Variants in STK39 observed in about 807,000 individuals in gnomAD.
The protein encoded by STK39 is STE20/SPS1-related proline-alanine-rich protein kinase.
A neutral mutation model predicts 77.8 loss-of-function variants in STK39; 20 were observed. The ratio of observed to expected loss-of-function variants is 0.26; its 90% confidence interval spans 0.18 to 0.37. The LOEUF (loss-of-function observed/expected upper bound fraction) is 0.37, where lower values mean the gene tolerates loss of function less well. Ranked by LOEUF, STK39 falls within the 10% of genes least tolerant of loss-of-function variation. The pLI, the probability that STK39 is intolerant of heterozygous loss-of-function variation, is 1.00. For synonymous variants in STK39, 246 were observed against 234.1 expected, an observed-to-expected ratio of 1.05 and a Z score of -0.47; for missense variants, 479 against 656.5, an observed-to-expected ratio of 0.73 and a Z score of 2.95.
At chr2:168,226,990 G>C (rs2105252689) in intron 1 of STK39, among the ~76,000 whole-genome samples, 1 of 152,276 alleles carries the variant, frequency 6.6e-6, no homozygotes, top group Non-Finnish European at 1.5e-5. Flanking sequence ...GTGGATCTCT[G>C]AGAAATAGCC....
chr2:168,179,340 C>T (rs563284528), intron 2 of STK39, among the ~76,000 whole-genome samples: 1 of 152,228 alleles, frequency 6.6e-6, no homozygotes, highest in Non-Finnish European at 1.5e-5. Flanking sequence ...TCTCATGTGC[C>T]AATAACTGGG....
chr2:168,183,007 T>C (rs552307166), intron 1 of STK39, among the ~76,000 whole-genome samples: 1 of 152,182 alleles, frequency 6.6e-6, no homozygotes, highest in African/African-American at 2.4e-5. Flanking sequence ...ACTTCTCAAA[T>C]GATTCATCAA....
intron 16 of STK39, among the ~76,000 whole-genome samples, chr2:167,967,132 C>G (rs977104934): frequency 6.6e-6 from 1 of 152,216 alleles, no homozygotes; most frequent in Non-Finnish European, 1.5e-5. Context: ...TTGTAAGACA[C>G]TCGAGTTTCT....
chr2:168,126,699 C>A (rs1559109931), intron 10 of STK39, among the ~76,000 whole-genome samples: 1 of 152,108 alleles, frequency 6.6e-6, no homozygotes, highest in Non-Finnish European at 1.5e-5. Context: ...CATTTGTGGG[C>A]ACTTACTATG....
At chr2:168,002,848 G>A (rs1370025793) in intron 16 of STK39, among the ~76,000 whole-genome samples, 1 of 152,138 alleles carries the variant, frequency 6.6e-6, no homozygotes, top group East Asian at 1.9e-4. Flanking sequence ...GTGTGTGTGT[G>A]CACGTGTGCT....
At chr2:168,057,302 C>T (rs1685550740) in intron 14 of STK39, among the ~76,000 whole-genome samples, 2 of 152,172 alleles carry the variant, frequency 1.3e-5, no homozygotes, top group Non-Finnish European at 2.9e-5. Context: ...TAGCAATTCT[C>T]GTGCCTCAGC....
intron 10 of STK39, among the ~76,000 whole-genome samples, chr2:168,112,301 G>A (rs1030476763): frequency 6.6e-6 from 1 of 152,048 alleles, no homozygotes; most frequent in Non-Finnish European, 1.5e-5. Flanking sequence ...AACCCCTCAT[G>A]TGGTTTGGCT....
At chr2:168,197,261 C>T (rs564368521) in intron 1 of STK39, among the ~76,000 whole-genome samples, 1 of 152,322 alleles carries the variant, frequency 6.6e-6, no homozygotes, top group South Asian at 2.1e-4. Flanking sequence ...AAGTTAAATG[C>T]AAAGGAGGAG....
intron 8 of STK39, among the ~76,000 whole-genome samples, chr2:168,134,710 G>A (rs536639394): frequency 6.6e-6 from 1 of 152,220 alleles, no homozygotes; most frequent in African/African-American, 2.4e-5. Flanking sequence ...TCCCTTTTAT[G>A]AGGAAAGTCC....
intron 5 of STK39, among the ~76,000 whole-genome samples, chr2:168,149,613 T>C (rs958509304): frequency 6.6e-6 from 1 of 152,260 alleles, no homozygotes; most frequent in African/African-American, 2.4e-5. Context: ...CCACACTGAT[T>C]CACACTTCCT....
intron 16 of STK39, among the ~76,000 whole-genome samples, chr2:168,009,931 T>TCAA (rs948326653): frequency 4.6e-5 from 7 of 152,282 alleles, no homozygotes; most frequent in South Asian, 2.1e-4. Flanking sequence ...TTTTAAAAAT[T>TCAA]CAACAACAAC....
chr2:168,215,546 T>A (rs557599266), intron 1 of STK39, among the ~76,000 whole-genome samples: 3 of 152,294 alleles, frequency 2.0e-5, no homozygotes, highest in South Asian at 4.1e-4. Context: ...TGGATCTGTT[T>A]CCCAAATCCC....
At chr2:168,013,669 AG>A (rs1684327999) in intron 15 of STK39, among the ~76,000 whole-genome samples, 1 of 152,222 alleles carries the variant, frequency 6.6e-6, no homozygotes, top group South Asian at 2.1e-4. Context: ...CTGAAAGTAC[AG>A]CTGCTAAATC....
At chr2:168,202,824 G>A (rs1308878519) in intron 1 of STK39, among the ~76,000 whole-genome samples, 1 of 152,130 alleles carries the variant, frequency 6.6e-6, no homozygotes, top group African/African-American at 2.4e-5. Flanking sequence ...CTGAGACGAA[G>A]CTGGGAGAGT....
chr2:168,213,764 G>C (rs750510772), intron 1 of STK39, among the ~76,000 whole-genome samples: 1 of 151,774 alleles, frequency 6.6e-6, no homozygotes, highest in Non-Finnish European at 1.5e-5. Flanking sequence ...GTTAACCTTG[G>C]GGGGAATGTT....
chr2:168,115,858 G>A (rs1203579860), intron 10 of STK39, among the ~76,000 whole-genome samples: 1 of 152,178 alleles, frequency 6.6e-6, no homozygotes, highest in African/African-American at 2.4e-5. Context: ...TGAGGGTGGA[G>A]AATGCAAGAC....
At chr2:167,972,062 A>C (rs964559578) in intron 16 of STK39, among the ~76,000 whole-genome samples, 1 of 152,220 alleles carries the variant, frequency 6.6e-6, no homozygotes, top group Non-Finnish European at 1.5e-5. Flanking sequence ...CAAAAAAAAG[A>C]TGATTTTCCT....
intron 10 of STK39, among the ~76,000 whole-genome samples, chr2:168,120,095 A>G (rs999635977): frequency 6.6e-6 from 1 of 152,178 alleles, no homozygotes; most frequent in Non-Finnish European, 1.5e-5. Context: ...CTTTTAATAG[A>G]TGGTTTTTCC....
chr2:168,235,956 T>C (rs2105270425), intron 1 of STK39, among the ~76,000 whole-genome samples: 1 of 152,242 alleles, frequency 6.6e-6, no homozygotes, highest in East Asian at 1.9e-4. Flanking sequence ...TTATAATCCT[T>C]TGGGTATATA....
Sources: allele counts gnomAD v4.1 joint callset (sites outside exome capture counted in the v4.1 genomes callset), GRCh38; gene constraint gnomAD v4.1.1; transcripts MANE v1.5; gene names NCBI Gene and HGNC (gene_info 2026-07-23, HGNC 2026-07-21).